The following GNB1 variants were observed in gnomAD, a reference collection of about 807,000 sequenced individuals.
GNB1 encodes guanine nucleotide-binding protein G(I)/G(S)/G(T) subunit beta-1.
GNB1 carries 2 observed loss-of-function variants against 42.9 expected under a neutral mutation model. The observed-to-expected ratio is 0.05, with a 90% CI of 0.02 to 0.15. The LOEUF is 0.15. Ranked by LOEUF, GNB1 falls within the 10% of genes least tolerant of loss-of-function variation. GNB1 has a pLI of 1.00. For synonymous variants in GNB1, 183 were observed against 174.7 expected, an observed-to-expected ratio of 1.05 and a Z score of -0.38; for missense variants, 193 against 462.2, an observed-to-expected ratio of 0.42 and a Z score of 5.34.
chr1:1,812,999 G>A (rs866471743), intron 5 of GNB1, among the ~76,000 whole-genome samples: 2 of 152,032 alleles, frequency 1.3e-5, no homozygotes, highest in East Asian at 3.9e-4. Context: ...CCTGAACACT[G>A]CCCAGCAGCA....
intron 10 of GNB1, chr1:1,788,789 A>G (rs1175498123): frequency 2.3e-6 from 1 of 436,662 alleles, no homozygotes; most frequent in African/African-American, 2.0e-5. Flanking sequence ...TGGGCCCTGG[A>G]GCCTGCACAG....
chr1:1,827,180 C>G (rs978813897), intron 2 of GNB1, among the ~76,000 whole-genome samples: 1 of 152,210 alleles, frequency 6.6e-6, no homozygotes. Flanking sequence ...CCGTCAGTTT[C>G]CAGTCTGAAC....
chr1:1,878,309 T>C (rs1006887312), intron 1 of GNB1, among the ~76,000 whole-genome samples: 6 of 152,178 alleles, frequency 3.9e-5, no homozygotes, highest in Admixed American at 1.3e-4. Context: ...GCTAAGGTTG[T>C]AGGGAATTTA....
At chr1:1,852,741 GCC>G (rs1411883697) in intron 1 of GNB1, among the ~76,000 whole-genome samples, 1 of 150,538 alleles carries the variant, frequency 6.6e-6, no homozygotes, top group Non-Finnish European at 1.5e-5. Context: ...CAGGTTCTCA[GCC>G]CCTGAGTGGA....
chr1:1,808,592 ATTT>A (rs980680143), intron 5 of GNB1, among the ~76,000 whole-genome samples: 22 of 152,170 alleles, frequency 1.4e-4, no homozygotes, highest in Admixed American at 1.4e-3. Context: ...TAGTATAAGG[ATTT>A]TTAATTTTAA....
chr1:1,884,850 T>C (rs973969406), intron 1 of GNB1, among the ~76,000 whole-genome samples: 2 of 151,636 alleles, frequency 1.3e-5, no homozygotes, highest in East Asian at 2.0e-4. Flanking sequence ...GCCCGGCTAA[T>C]TTTTTTGTAT....
intron 7 of GNB1, among the ~76,000 whole-genome samples, chr1:1,794,527 T>G (rs1646521700): frequency 1.3e-5 from 2 of 152,208 alleles, no homozygotes; most frequent in East Asian, 3.9e-4. Context: ...TAGATTTGAG[T>G]GTTTACTGAA....
At chr1:1,869,257 G>T (rs1202835108) in intron 1 of GNB1, among the ~76,000 whole-genome samples, 1 of 151,120 alleles carries the variant, frequency 6.6e-6, no homozygotes, top group Non-Finnish European at 1.5e-5. Flanking sequence ...AAGACCAGAG[G>T]CTCTAGTCAG....
At chr1:1,855,532 T>C (rs1253956231) in intron 1 of GNB1, among the ~76,000 whole-genome samples, 1 of 151,398 alleles carries the variant, frequency 6.6e-6, no homozygotes, top group African/African-American at 2.4e-5. Flanking sequence ...AAACCCCATC[T>C]CTACTAAAAA....
chr1:1,849,908 T>A (rs1372727916), intron 1 of GNB1, among the ~76,000 whole-genome samples: 3 of 152,120 alleles, frequency 2.0e-5, no homozygotes, highest in Non-Finnish European at 2.9e-5. Flanking sequence ...TCTGCCCCGT[T>A]TTCTTCCTAG....
chr1:1,842,987 T>G (rs1272377079), intron 1 of GNB1, among the ~76,000 whole-genome samples: 1 of 152,196 alleles, frequency 6.6e-6, no homozygotes, highest in African/African-American at 2.4e-5. Context: ...GGCAGGGGTG[T>G]GTGTGTGTCC....
chr1:1,871,020 G>C (rs1227297205), intron 1 of GNB1, among the ~76,000 whole-genome samples: 1 of 151,648 alleles, frequency 6.6e-6, no homozygotes, highest in Non-Finnish European at 1.5e-5. Flanking sequence ...GAGCCCTCTA[G>C]AGCAACCTTC....
chr1:1,812,448 C>T (rs1479206180), intron 5 of GNB1, among the ~76,000 whole-genome samples: 4 of 151,910 alleles, frequency 2.6e-5, no homozygotes, highest in African/African-American at 4.8e-5. Context: ...CAAAAAACCT[C>T]TTTTGGACCT....
chr1:1,868,459 C>T (rs1170101627), intron 1 of GNB1, among the ~76,000 whole-genome samples: 1 of 152,122 alleles, frequency 6.6e-6, no homozygotes, highest in Non-Finnish European at 1.5e-5. Context: ...CATGAGACAC[C>T]GTGCCTGGCC....
intron 1 of GNB1, among the ~76,000 whole-genome samples, chr1:1,846,350 T>G (rs1273515695): frequency 1.3e-5 from 2 of 152,118 alleles, no homozygotes; most frequent in Non-Finnish European, 2.9e-5. Flanking sequence ...GCGGATCACC[T>G]AAGCTCAGGA....
intron 2 of GNB1, among the ~76,000 whole-genome samples, chr1:1,834,950 G>A (rs892869129): frequency 7.9e-5 from 12 of 152,136 alleles, no homozygotes; most frequent in Admixed American, 2.6e-4. Flanking sequence ...TTACAGGCGT[G>A]AGCCACTGCA....
In GNB1 at chr1:1,879,659, C is replaced by A. The variant is rs535333953; in HGVS notation, c.-96+11161G>T. ...GGCGGAGCTTGCAGTGAGCCAAGAT[C>A]GCACCACTGCACTCCAGCCTGGGTG... On this transcript the variant is annotated intron_variant, in intron 1 of 11. Coordinates refer to ENST00000378609, the MANE Select transcript of GNB1 (RefSeq NM_002074.5). Among the ~76,000 whole-genome samples the A allele has an allele frequency of 2.0e-5, 3 of 149,762 alleles. No homozygotes were observed. The East Asian group carries it at 5.9e-4, about 30-fold the overall frequency.
At chr1:1,824,820 C>T (rs1265346010) in intron 3 of GNB1, among the ~76,000 whole-genome samples, 2 of 152,224 alleles carry the variant, frequency 1.3e-5, no homozygotes, top group African/African-American at 4.8e-5. Flanking sequence ...GTGATCCACC[C>T]GCCTTGGCCT....
intron 7 of GNB1, among the ~76,000 whole-genome samples, chr1:1,799,059 T>TAC (rs1378439637): frequency 6.6e-6 from 1 of 152,176 alleles, no homozygotes; most frequent in Non-Finnish European, 1.5e-5. Context: ...TAGCTGGGAC[T>TAC]ACAGGTGCCC....
Sources: allele counts gnomAD v4.1 joint callset (sites outside exome capture counted in the v4.1 genomes callset), GRCh38; gene constraint gnomAD v4.1.1; transcripts MANE v1.5; gene names NCBI Gene and HGNC (gene_info 2026-07-23, HGNC 2026-07-21).